Variants in RANBP17 observed in about 807,000 individuals in gnomAD.
RANBP17 encodes the protein ran-binding protein 17.
A neutral mutation model predicts 141.2 loss-of-function variants in RANBP17; 158 were observed. The observed-to-expected ratio is 1.12, with a 90% CI of 0.98 to 1.28. The LOEUF (loss-of-function observed/expected upper bound fraction) is 1.28, where lower values mean the gene tolerates loss of function less well. RANBP17 is among the 50% of genes most tolerant of loss of function. The probability of loss-of-function intolerance (pLI) is 0.00; values close to 1 mark genes in which losing one functional copy is unlikely to be tolerated. For synonymous variants in RANBP17, 430 were observed against 450.0 expected (o/e 0.96, Z 0.56); for missense variants, 1,438 against 1,290.7 (o/e 1.11, Z -1.75).
At chr5:171,023,200 C>G (rs910380274) in intron 14 of RANBP17, among the ~76,000 whole-genome samples, 11 of 152,240 alleles carry the variant, frequency 7.2e-5, no homozygotes, top group African/African-American at 2.2e-4. Context: ...CTGAACGCCG[C>G]TGTTCTGTTT....
chr5:170,979,754 CT>C (rs1777632671), intron 14 of RANBP17, among the ~76,000 whole-genome samples: 1 of 152,200 alleles, frequency 6.6e-6, no homozygotes, highest in African/African-American at 2.4e-5. Context: ...AAACATCTTT[CT>C]TTTGTAAATT....
intron 18 of RANBP17, among the ~76,000 whole-genome samples, chr5:171,194,950 G>A (rs376190774): frequency 2.0e-5 from 3 of 152,030 alleles, no homozygotes; most frequent in South Asian, 4.2e-4. Context: ...TGTCTCTGAA[G>A]GAAAAAAAAT....
At chr5:171,088,394 C>T (rs1172799777) in intron 14 of RANBP17, among the ~76,000 whole-genome samples, 1 of 152,120 alleles carries the variant, frequency 6.6e-6, no homozygotes, top group Non-Finnish European at 1.5e-5. Context: ...CTGCCCTTAA[C>T]ATTTTTTTCT....
intron 25 of RANBP17, among the ~76,000 whole-genome samples, chr5:171,282,967 C>G (rs973677819): frequency 2.0e-5 from 3 of 152,152 alleles, no homozygotes; most frequent in East Asian, 3.9e-4. Context: ...TCATCTGCCA[C>G]CAGTACTCCC....
At chr5:171,249,923 G>T (rs2128002649) in intron 24 of RANBP17, among the ~76,000 whole-genome samples, 1 of 152,320 alleles carries the variant, frequency 6.6e-6, no homozygotes, top group Admixed American at 6.5e-5. Flanking sequence ...TCCCTAGGAA[G>T]ATACAATGCA....
intron 14 of RANBP17, among the ~76,000 whole-genome samples, chr5:171,145,930 T>C (rs1370172651): frequency 6.6e-6 from 1 of 152,226 alleles, no homozygotes; most frequent in African/African-American, 2.4e-5. Context: ...AACTCCATAT[T>C]GTGTGTAATA....
intron 18 of RANBP17, among the ~76,000 whole-genome samples, chr5:171,183,776 A>G (rs975718165): frequency 6.6e-6 from 1 of 152,222 alleles, no homozygotes; most frequent in African/African-American, 2.4e-5. Flanking sequence ...CGTCATAGTG[A>G]TGTCTAAACT....
rs1771761283 is a variant in RANBP17, at chr5:170,914,202, A to G, written c.796A>G (p.Asn266Asp). 6.2e-7 allele frequency: 1 copy of G among 1,610,354 alleles called. No individual in the cohort carries two copies. The highest frequency in any genetic ancestry group is 8.5e-7 in the Non-Finnish European group (1 of 1,177,226). ...ACCAGAAACATTGGATCTTTTCTTC[A>G]ATTTGTATCATTCACTTCCACCACT... ...LEPETLDLFF[N>D]LYHSLPPLLS... Residue 266 changes from asparagine to aspartate, a missense_variant, in exon 8 of 28, where the codon AAT becomes GAT. Transcript: ENST00000523189.
intron 14 of RANBP17, among the ~76,000 whole-genome samples, chr5:171,080,484 T>G (rs1187424122): frequency 6.6e-6 from 1 of 152,216 alleles, no homozygotes; most frequent in Admixed American, 6.5e-5. Context: ...TGATTTGATA[T>G]GAATTTTTAA....
chr5:171,043,693 T>C (rs1782392814), intron 14 of RANBP17, among the ~76,000 whole-genome samples: 2 of 152,192 alleles, frequency 1.3e-5, no homozygotes, highest in African/African-American at 4.8e-5. Flanking sequence ...TCAATTTCTT[T>C]ATATGTATGT....
At chr5:171,218,026 TA>T (rs1170143163) in intron 21 of RANBP17, among the ~76,000 whole-genome samples, 1 of 152,242 alleles carries the variant, frequency 6.6e-6, no homozygotes. Context: ...TGTGGGCATT[TA>T]GTGCTATAAA....
chr5:170,888,594 T>A (rs1769347755), intron 3 of RANBP17, among the ~76,000 whole-genome samples: 1 of 152,182 alleles, frequency 6.6e-6, no homozygotes, highest in Non-Finnish European at 1.5e-5. Flanking sequence ...ATTTATTAGT[T>A]CATAATTTTT....
chr5:171,022,452 C>T (rs997942807), intron 14 of RANBP17, among the ~76,000 whole-genome samples: 3 of 152,190 alleles, frequency 2.0e-5, no homozygotes, highest in African/African-American at 7.2e-5. Context: ...GGGGCTCAGG[C>T]CCAGGGAGAT....
At position 171,043,207 on chromosome 5, in the gene RANBP17, CTTT is replaced by C. The variant is rs542458930; in HGVS notation, c.1710+74833_1710+74835del. On this transcript the variant is annotated intron_variant, in intron 14 of 27. Coordinates refer to ENST00000523189, the MANE Select transcript of RANBP17 (RefSeq NM_022897.5). The stretch of plus-strand genomic sequence containing the variant: ...ATTCTTCTTTAAGAAAACCTAGGAT[CTTT>C]TTATTTTTATTTAAAATATTTTATT... Among the ~76,000 whole-genome samples the C allele has an allele frequency of 1.3e-3, 199 of 152,206 alleles. 1 individual carries two copies. Among genetic ancestry groups the C allele is most frequent in the African/African-American group, 4.7e-3 (194 of 41,548 alleles).
intron 1 of RANBP17, among the ~76,000 whole-genome samples, chr5:170,875,163 T>C (rs1768077438): frequency 1.3e-5 from 2 of 152,202 alleles, no homozygotes; most frequent in Non-Finnish European, 2.9e-5. Context: ...GCCCCCACTC[T>C]CTTCTGGCTT....
intron 14 of RANBP17, among the ~76,000 whole-genome samples, chr5:171,037,280 C>T (rs183057479): frequency 1.1e-4 from 16 of 152,094 alleles, no homozygotes; most frequent in East Asian, 5.8e-4. Context: ...GTCCTTTGCC[C>T]GCATTTTAAT....
At chr5:171,011,426 G>A (rs1231072039) in intron 14 of RANBP17, among the ~76,000 whole-genome samples, 2 of 150,902 alleles carry the variant, frequency 1.3e-5, no homozygotes, top group East Asian at 1.9e-4. Flanking sequence ...TTTTTAATAT[G>A]TGTTTAAAAG....
In RANBP17 at chr5:170,924,544, C is replaced by G. The variant is rs936289583; in HGVS notation, c.1462C>G (p.Gln488Glu). The G allele has an allele frequency of 6.3e-7, 1 of 1,591,402 alleles. No homozygotes were observed. Among genetic ancestry groups the G allele is most frequent in the East Asian group, 2.3e-5 (1 of 44,362 alleles). Reference sequence around the variant, plus strand: ...TGGTGTAACTGTGGACATCACCATTCAGGAAGGTCAGTAAACTTTATATGA... The same window carrying G: ...TGGTGTAACTGTGGACATCACCATTGAGGAAGGTCAGTAAACTTTATATGA... ...YSGVTVDITI[Q>E]EGRLAWLVYL... The change falls in exon 12 of 28, where the codon CAG (glutamine) becomes GAG (glutamate). Residue 488 changes from glutamine (Q) to glutamate (E), a missense_variant. Gln to Glu is a conservative substitution (Grantham distance 29, BLOSUM62 2). Transcript: ENST00000523189.
chr5:170,944,429 G>A (rs1232677183), intron 12 of RANBP17, among the ~76,000 whole-genome samples: 4 of 152,286 alleles, frequency 2.6e-5, no homozygotes, highest in Admixed American at 1.3e-4. Flanking sequence ...ACCATGCCCA[G>A]CTAATTTTGA....
Sources: gnomAD v4.1 joint callset for allele counts (sites outside exome capture counted in the v4.1 genomes callset) on GRCh38, gnomAD v4.1.1 for gene constraint, MANE v1.5 for transcripts, NCBI Gene and HGNC (gene_info 2026-07-23, HGNC 2026-07-21) for gene names.